Variants in RIMKLB observed in about 807,000 individuals in gnomAD.
RIMKLB encodes ribosomal modification protein rimK like family member B, also known as beta-citrylglutamate synthase B.
RIMKLB carries 7 observed loss-of-function variants against 32.0 expected under a neutral mutation model. The observed-to-expected ratio is 0.22, with a 90% CI of 0.12 to 0.41. The LOEUF (loss-of-function observed/expected upper bound fraction) is 0.41. RIMKLB is among the 10% of genes least tolerant of loss of function. The pLI is 1.00. For synonymous variants in RIMKLB, 172 were observed against 185.1 expected, an observed-to-expected ratio of 0.93 and a Z score of 0.57; for missense variants, 289 against 498.7, an observed-to-expected ratio of 0.58 and a Z score of 4.00.
At chr12:8,743,095 T>C (rs11613880) in intron 2 of RIMKLB, 3,002 of 152,554 alleles carry the variant, frequency 0.02, 55 homozygotes, top group Non-Finnish European at 0.031. Flanking sequence ...GGCTCAGGCC[T>C]GGAATCCCAG....
chr12:8,700,208 AAC>A (rs1435348576), intron 1 of RIMKLB: 64 of 152,336 alleles, frequency 4.2e-4, no homozygotes, highest in African/African-American at 1.5e-3. Flanking sequence ...ACTGTGAAGA[AAC>A]ACACTAAAGT....
intron 3 of RIMKLB, 124 bp downstream of exon 3, chr12:8,750,216 A>G: frequency 3.7e-6 from 2 of 542,826 alleles, no homozygotes; most frequent in Non-Finnish European, 6.6e-6. Context: ...ACTGGACAGG[A>G]TAATTATAAA....
chr12:8,746,922 T>C (rs1236934691), intron 2 of RIMKLB, among the ~76,000 whole-genome samples: 6 of 152,134 alleles, frequency 3.9e-5, no homozygotes, highest in Non-Finnish European at 8.8e-5. Flanking sequence ...TTAAGTTTTT[T>C]TGTAGAGACG....
rs1187478607 is a variant in RIMKLB, at chr12:8,774,122, C to T, written c.*338C>T. On this transcript the variant is annotated 3_prime_UTR_variant, in exon 6 of 6. Coordinates refer to ENST00000535829, the MANE Select transcript of RIMKLB (RefSeq NM_001297776.2). ...ATGGTCCCTTGCTTTTGTTTTTGTA[C>T]AAAAAAAAATGGTTTTGCTACAAAT... 1.0e-6 allele frequency: 1 copy of T among 1,003,880 alleles called. No individual in the cohort carries two copies. The highest frequency in any genetic ancestry group is 1.2e-6 in the Non-Finnish European group (1 of 839,016). The allele number at this position is 1,003,880 out of a possible 1,614,324, so 62.2% of individuals were successfully genotyped here.
chr12:8,712,244 C>T (rs1470314792), intron 1 of RIMKLB, among the ~76,000 whole-genome samples: 1 of 152,022 alleles, frequency 6.6e-6, no homozygotes, highest in East Asian at 1.9e-4. Flanking sequence ...GTGATCTCGG[C>T]TCACTGCAAC....
intron 2 of RIMKLB, among the ~76,000 whole-genome samples, chr12:8,733,665 G>A (rs1946745516): frequency 6.6e-6 from 1 of 152,166 alleles, no homozygotes; most frequent in African/African-American, 2.4e-5. Flanking sequence ...GTGAGGCCAG[G>A]AGTTCAAGAC....
intron 2 of RIMKLB, among the ~76,000 whole-genome samples, chr12:8,733,425 A>G (rs1402128453): frequency 1.3e-5 from 2 of 152,212 alleles, no homozygotes; most frequent in Non-Finnish European, 2.9e-5. Context: ...TCTGTTTACT[A>G]CCATAGCCAT....
intron 2 of RIMKLB, among the ~76,000 whole-genome samples, chr12:8,738,858 A>G (rs983476812): frequency 1.3e-5 from 2 of 152,236 alleles, no homozygotes; most frequent in African/African-American, 2.4e-5. Context: ...TTTCTGAGTT[A>G]GTAGTTTTGT....
chr12:8,753,850 T>G (rs772223611), intron 4 of RIMKLB, 40 bp from the exon 5 acceptor site: 1 of 1,508,910 alleles, frequency 6.6e-7, no homozygotes, highest in Non-Finnish European at 9.2e-7. Flanking sequence ...CTGCCCACAA[T>G]TGATGACTTA....
chr12:8,711,297 G>GAGGA (rs1291331411), intron 1 of RIMKLB, among the ~76,000 whole-genome samples: 1 of 152,034 alleles, frequency 6.6e-6, no homozygotes, highest in Non-Finnish European at 1.5e-5. Context: ...TTGGGAGGCA[G>GAGGA]AGGAGACAGG....
intron 2 of RIMKLB, 120 bp from the exon 3 acceptor site, chr12:8,749,742 A>G (rs1948463289): frequency 1.5e-6 from 1 of 674,900 alleles, no homozygotes; most frequent in Non-Finnish European, 2.5e-6. Flanking sequence ...CTCTATCCCA[A>G]TTTAATATTA....
chr12:8,716,380 T>C (rs1348566286), intron 2 of RIMKLB, among the ~76,000 whole-genome samples: 3 of 150,656 alleles, frequency 2.0e-5, no homozygotes, highest in Non-Finnish European at 4.4e-5. Flanking sequence ...TCTCTGTCTC[T>C]GTTTGTAATA....
the RIMKLB span, among the ~76,000 whole-genome samples, chr12:8,673,339 A>G: frequency 6.6e-6 from 1 of 152,166 alleles, no homozygotes. Context: ...TTTGAAGAGC[A>G]TTCTCCTCAA....
intron 1 of RIMKLB, among the ~76,000 whole-genome samples, chr12:8,701,749 A>C (rs1943422110): frequency 6.6e-6 from 1 of 151,728 alleles, no homozygotes; most frequent in Non-Finnish European, 1.5e-5. Context: ...TCACACCTGT[A>C]ATCCCAGCAC....
At chr12:8,777,210 GCTTTC>G (rs1950775076), downstream of RIMKLB, 6 of 588,794 alleles carry the variant, frequency 1.0e-5, no homozygotes, top group African/African-American at 1.8e-4. Flanking sequence ...CTGCTTGCTT[GCTTTC>G]TTTTTTTTTT....
intron 3 of RIMKLB, among the ~76,000 whole-genome samples, chr12:8,751,222 C>A (rs968111228): frequency 1.3e-5 from 2 of 152,146 alleles, no homozygotes; most frequent in African/African-American, 4.8e-5. Context: ...ACAAGTATTA[C>A]CTTTGTTCTA....
intron 1 of RIMKLB, among the ~76,000 whole-genome samples, chr12:8,688,880 G>C (rs771474123): frequency 3.3e-5 from 5 of 152,064 alleles, no homozygotes; most frequent in Non-Finnish European, 7.4e-5. Context: ...TGTTGCCCAG[G>C]CTGAAGTGCA....
upstream of RIMKLB, among the ~76,000 whole-genome samples, chr12:8,680,762 T>C (rs1323394331): frequency 6.6e-6 from 1 of 152,182 alleles, no homozygotes; most frequent in Non-Finnish European, 1.5e-5. Context: ...AAAGCGTCGC[T>C]AGAGATCTTC....
In RIMKLB at chr12:8,713,557, G is replaced by A. The variant is rs1455965508; in HGVS notation, c.-56-254G>A. 3.9e-5 allele frequency among the ~76,000 whole-genome samples: 6 copies of A among 152,156 alleles called. No homozygotes were observed. In the South Asian group the frequency reaches 1.0e-3, roughly 26 times the overall value. ...GTATTTAAACTTTCTGCTAAGTGAC[G>A]AGCTACAGTTATTAAGTTGCAGTGC... On this transcript the variant is annotated intron_variant, in intron 1 of 5. Coordinates refer to ENST00000535829, the MANE Select transcript of RIMKLB (RefSeq NM_001297776.2).
Sources: gnomAD v4.1 joint callset for allele counts (sites outside exome capture counted in the v4.1 genomes callset) on GRCh38, gnomAD v4.1.1 for gene constraint, MANE v1.5 for transcripts, NCBI Gene and HGNC (gene_info 2026-07-23, HGNC 2026-07-21) for gene names.